Variants in ZAN observed in about 807,000 individuals in gnomAD.
ZAN encodes zonadhesin.
ZAN carries 260 observed loss-of-function variants against 286.2 expected under a neutral mutation model. The ratio of observed to expected loss-of-function variants is 0.91; its 90% CI spans 0.82 to 1.01. The LOEUF (loss-of-function observed/expected upper bound fraction) is 1.01. Among genes scored for constraint, ZAN ranks in the 50% least tolerant of loss-of-function variants. The pLI is 0.00. For missense variants in ZAN, 3,410 were observed against 3,639.2 expected, an observed-to-expected ratio of 0.94 and a Z score of 1.62; for synonymous variants, 1,368 against 1,417.5, an observed-to-expected ratio of 0.97 and a Z score of 0.79.
In ZAN at chr7:100,797,772, A is replaced by G. The variant is rs772242043; in HGVS notation, c.*40A>G. The stretch of plus-strand genomic sequence containing the variant: ...AGCTGTCTTCAGACAAGAAGATTAA[A>G]TAAATTTATATATTTATTTATTTGA... On this transcript the variant is annotated 3_prime_UTR_variant, in exon 48 of 48. Transcript: ENST00000613979. 4 of 1,600,588 alleles carry G rather than the reference A, an allele frequency of 2.5e-6. No individual in the cohort carries two copies. The highest frequency in any genetic ancestry group is 3.4e-6 in the Non-Finnish European group (4 of 1,172,522).
chr7:100,764,421 G>A (rs866502685), intron 22 of ZAN, among the ~76,000 whole-genome samples: 4 of 152,238 alleles, frequency 2.6e-5, no homozygotes, highest in South Asian at 2.1e-4. Context: ...CTTGAACCCG[G>A]GAGGCAGAGG....
At chr7:100,781,745 A>G (rs1170676547) in intron 35 of ZAN, among the ~76,000 whole-genome samples, 1 of 150,210 alleles carries the variant, frequency 6.7e-6, no homozygotes, top group African/African-American at 2.5e-5. Flanking sequence ...GGTTCCAGTG[A>G]ATCTCCTGCC....
rs766747166 is a variant in ZAN, at chr7:100,750,838, G to A, written c.1463G>A (p.Arg488His). 24 of 1,590,042 alleles carry A rather than the reference G, an allele frequency of 1.5e-5. No individual in the cohort carries two copies. The highest frequency in any genetic ancestry group is 5.1e-5 in the Admixed American group (3 of 58,320). The part of the protein sequence containing the change: ...IPLWKRVGSQ[R>H]PYWQNTSVTV... ...CTCTGGAAACGCGTGGGGTCTCAGC[G>A]CCCTTACTGGCAGAACACCTCCGTC... is the stretch of plus-strand genomic sequence containing the variant. Residue 488 changes from arginine (R) to histidine (H), a missense_variant, in exon 12 of 48, where the codon CGC (arginine) becomes CAC (histidine). By Grantham distance (29) the Arg-to-His change is conservative (BLOSUM62 0). Transcript: ENST00000613979.
rs1038304698 is a variant in ZAN, at chr7:100,758,307, C to T, written c.3415C>T (p.Gln1139Ter). 1 of 1,613,202 alleles carries T rather than the reference C, an allele frequency of 6.2e-7. No homozygotes were observed. The highest frequency in any genetic ancestry group is 8.5e-7 in the Non-Finnish European group (1 of 1,179,872). The change falls in exon 16 of 48, where the codon CAG (glutamine) becomes TAG (stop). Residue 1139 changes from glutamine (Q) to a stop codon, truncating the protein, a stop_gained. Transcript: ENST00000613979. LOFTEE classifies it high-confidence loss of function. Reference protein sequence around the residue: ...ISQCGTHTVCQLKNGQYGCHP... With the variant: ...ISQCGTHTVC ...TCAGTGTGGGACACACACCGTGTGCCAGCTTAAGAATGGCCAGTATGGATG... is the reference window on the plus strand; with the variant it reads ...TCAGTGTGGGACACACACCGTGTGCTAGCTTAAGAATGGCCAGTATGGATG...
In ZAN at chr7:100,759,820, C is replaced by G; in HGVS notation, c.3671C>G (p.Thr1224Ser). Residue 1224 changes from threonine to serine, a missense_variant, in exon 18 of 48, where the codon ACC (threonine) becomes AGC (serine). By Grantham distance (58) the Thr-to-Ser change is moderately conservative. Around this residue, in one of 7 missense-constraint regions of ZAN, gnomAD observed 1,042 missense variants for 1,058.0 expected, o/e 0.98. Transcript: ENST00000613979. The stretch of plus-strand genomic sequence containing the variant: ...GTGACCCTGCCCGAGAGCACCGTCA[C>G]CCTGCTTAAGGGCAGACGCACTCTG... ...VYVTLPESTV[T>S]LLKGRRTLVG... is the part of the protein sequence containing the mutation. 1 of 1,612,576 alleles carries G rather than the reference C, an allele frequency of 6.2e-7. No homozygotes were observed. The highest frequency in any genetic ancestry group is 1.7e-5 in the Admixed American group (1 of 59,932).
intron 35 of ZAN, 47 bp downstream of exon 35, chr7:100,779,797 C>T: frequency 6.6e-7 from 1 of 1,507,324 alleles, no homozygotes. Context: ...AACCCCCTTT[C>T]CCTCTCTGCT....
At chr7:100,742,909 C>T (rs1807913562) in intron 7 of ZAN, among the ~76,000 whole-genome samples, 1 of 34,976 alleles carries the variant, frequency 2.9e-5, no homozygotes, top group Non-Finnish European at 5.7e-5. Context: ...GACGATCTGA[C>T]TTATTTTTTA....
chr7:100,764,750 C>T (rs937164981), intron 22 of ZAN, among the ~76,000 whole-genome samples: 7 of 144,698 alleles, frequency 4.8e-5, no homozygotes, highest in East Asian at 2.1e-4. Flanking sequence ...TGGCAACGGG[C>T]GCCTGTAATC....
At chr7:100,761,769 T>G (rs1584584961) in intron 19 of ZAN, among the ~76,000 whole-genome samples, 1 of 151,748 alleles carries the variant, frequency 6.6e-6, no homozygotes, top group Admixed American at 6.6e-5. Context: ...AAACCCCATC[T>G]CTACTAAAAA....
Position 100,794,184 on chromosome 7 carries a change from T to G in ZAN, c.8051T>G (p.Leu2684Arg). ...QRCTCASSRI[L>R]LCEPFSCRAG... ...TGCACCTGTGCCAGCTCACGGATCC[T>G]GCTGTGTGAGCCCTTCAGCTGCAGA... The change falls in exon 44 of 48, where the codon CTG becomes CGG. Residue 2684 changes from leucine to arginine, a missense_variant. Coordinates refer to ENST00000613979, the MANE Select transcript of ZAN (RefSeq NM_003386.3). 6.2e-7 allele frequency: 1 copy of G among 1,614,032 alleles called. No homozygotes were observed. The highest frequency in any genetic ancestry group is 2.2e-5 in the East Asian group (1 of 44,886).
chr7:100,745,883 A>G (rs184545924), intron 7 of ZAN, among the ~76,000 whole-genome samples: 35 of 151,792 alleles, frequency 2.3e-4, no homozygotes, highest in African/African-American at 7.7e-4. Flanking sequence ...CAAAAAAGAA[A>G]AAGGAAAAAA....
At position 100,752,397 on chromosome 7, in the gene ZAN, A is replaced by C. The variant is rs1324691169; in HGVS notation, c.2292A>C (p.Glu764Asp). The C allele has an allele frequency of 1.3e-6, 2 of 1,560,768 alleles. No individual in the cohort carries two copies. Among genetic ancestry groups the C allele is most frequent in the Non-Finnish European group, 1.7e-6 (2 of 1,148,984 alleles). The part of the protein sequence containing the change: ...ISPEKPTTPT[E>D]KPTISPEKLT... ...CAGAAAAACCCACCACCCCCACAGAAAAACCCACCATCTCCCCAGAAAAAC... is the reference window on the plus strand; with the variant it reads ...CAGAAAAACCCACCACCCCCACAGACAAACCCACCATCTCCCCAGAAAAAC... Residue 764 changes from glutamate to aspartate, a missense_variant, in exon 14 of 48, where the codon GAA becomes GAC. Glu to Asp is a conservative substitution (Grantham distance 45). Around this residue, in one of 7 missense-constraint regions of ZAN, gnomAD observed 39 missense variants for 76.9 expected, o/e 0.51. Transcript: ENST00000613979.
At position 100,784,751 on chromosome 7, in the gene ZAN, C is replaced by T. The variant is rs767226693; in HGVS notation, c.6751C>T (p.Gln2251Ter). Residue 2251 changes from glutamine to a stop codon, truncating the protein, a stop_gained, in exon 36 of 48, where the codon CAG becomes TAG. Transcript: ENST00000613979. LOFTEE classifies it high-confidence loss of function. ...TGCCTGCGCTGAGGGCTGCATTTGT[C>T]AGCCCGGCTATGTGCTGAGTGAAGA... is the stretch of plus-strand genomic sequence containing the variant. ...PSACAEGCIC[Q>*]PGYVLSEDKC... The T allele has an allele frequency of 2.0e-5, 32 of 1,613,842 alleles. No individual in the cohort carries two copies. Among genetic ancestry groups the T allele is most frequent in the East Asian group, 2.2e-5 (1 of 44,886 alleles).
At position 100,768,638 on chromosome 7, in the gene ZAN, C is replaced by T. The variant is rs773202689; in HGVS notation, c.5070C>T (p.Asp1690=). The T allele has an allele frequency of 3.5e-5, 56 of 1,610,494 alleles. No individual in the cohort carries two copies. The highest frequency in any genetic ancestry group is 4.4e-5 in the Non-Finnish European group (52 of 1,178,382). ...CGNYNNNSLD[D]NLRPDRKLAG... is the part of the protein sequence containing the mutation. Reference sequence around the variant, plus strand: ...ACTACAACAACAACAGCTTGGATGACAACCTGCGCCCCGACAGAAAGCTTG... The same window carrying T: ...ACTACAACAACAACAGCTTGGATGATAACCTGCGCCCCGACAGAAAGCTTG... The change falls in exon 27 of 48, where the codon GAC becomes GAT. Residue 1690 remains aspartate, a synonymous_variant. Coordinates refer to ENST00000613979, the MANE Select transcript of ZAN (RefSeq NM_003386.3).
chr7:100,775,213 G>A (rs186739875), intron 31 of ZAN, 115 bp from the exon 32 acceptor site: 20 of 1,447,944 alleles, frequency 1.4e-5, no homozygotes, highest in Middle Eastern at 4.8e-4. Context: ...GCGCACAGCC[G>A]GACCTGGGGT....
chr7:100,767,297 A>G, intron 25 of ZAN, 40 bp downstream of exon 25: 1 of 1,578,702 alleles, frequency 6.3e-7, no homozygotes, highest in Non-Finnish European at 8.6e-7. Flanking sequence ...CTGAACACCC[A>G]GCCTGCTTGC....
intron 35 of ZAN, among the ~76,000 whole-genome samples, chr7:100,783,256 G>A (rs903771189): frequency 4.6e-5 from 7 of 151,834 alleles, no homozygotes; most frequent in African/African-American, 9.7e-5. Context: ...CGGAAAGAGC[G>A]AAACTCTATC....
At chr7:100,793,360 T>C (rs759251125) in intron 42 of ZAN, among the ~76,000 whole-genome samples, 7 of 151,448 alleles carry the variant, frequency 4.6e-5, no homozygotes, top group Non-Finnish European at 8.8e-5. Context: ...TTTAAAAAAA[T>C]AAAAAATAAA....
At chr7:100,784,892 C>T (rs1811461991) in intron 36 of ZAN, 58 bp downstream of exon 36, 2 of 1,474,316 alleles carry the variant, frequency 1.4e-6, no homozygotes, top group East Asian at 2.4e-5. Flanking sequence ...AGTGCTTTCT[C>T]CTTTTCTCTG....
Sources: gnomAD v4.1 joint callset for allele counts (sites outside exome capture counted in the v4.1 genomes callset) on GRCh38, gnomAD v4.1.1 for gene constraint, gnomAD v4.1.1 regional missense constraint, MANE v1.5 for transcripts, NCBI Gene and HGNC (gene_info 2026-07-23, HGNC 2026-07-21) for gene names.